Variants in DPH6 observed in about 807,000 individuals in gnomAD.
The protein encoded by DPH6 is diphthine--ammonia ligase.
DPH6 carries 33 observed loss-of-function variants against 38.2 expected under a neutral mutation model. That is an observed-to-expected ratio of 0.86 (90% confidence interval 0.65 to 1.15). DPH6 has a LOEUF of 1.15. Among genes scored for constraint, DPH6 ranks in the 50% most tolerant of loss-of-function variants. The probability of loss-of-function intolerance (pLI) is 0.00; values close to 1 mark genes in which losing one functional copy is unlikely to be tolerated. For synonymous variants in DPH6, 108 were observed against 103.0 expected, an observed-to-expected ratio of 1.05 and a Z score of -0.30; for missense variants, 325 against 320.0, an observed-to-expected ratio of 1.02 and a Z score of -0.12.
At chr15:35,522,807 T>A (rs1221122042) in intron 3 of DPH6, among the ~76,000 whole-genome samples, 1 of 152,144 alleles carries the variant, frequency 6.6e-6, no homozygotes, top group East Asian at 1.9e-4. Context: ...AAATATATCC[T>A]ACAGATAATT....
At position 35,243,457 on chromosome 15, in the gene DPH6, A is replaced by G. The variant is rs917987083; in HGVS notation, n.201-22875T>C. ...ATTGCATCCCCTGTGACTTGCACGT[A>G]TATGCCCAGATGGCCTGAAGTAACT... On this transcript the variant is annotated intron_variant and non_coding_transcript_variant, in intron 3 of 3. Coordinates refer to the DPH6 transcript ENST00000560386. 8.3e-5 allele frequency among the ~76,000 whole-genome samples: 12 copies of G among 143,902 alleles called. 1 individual carries two copies. The highest frequency in any genetic ancestry group is 3.0e-4 in the African/African-American group (12 of 39,740). 94.4% of individuals were successfully genotyped at this position (143,902 alleles called of 152,430 possible). A position where few individuals can be genotyped will look rare whatever the true frequency, so the allele number is the denominator to read the frequency against.
intron 3 of DPH6, among the ~76,000 whole-genome samples, chr15:35,482,823 C>A (rs577638453): frequency 6.6e-6 from 1 of 151,838 alleles, no homozygotes; most frequent in African/African-American, 2.4e-5. Flanking sequence ...AAGAAAAAAA[C>A]GGACAAATTA....
intron 3 of DPH6, among the ~76,000 whole-genome samples, chr15:35,301,697 G>A (rs765373422): frequency 2.6e-5 from 4 of 152,180 alleles, no homozygotes; most frequent in East Asian, 3.8e-4. Context: ...TAGGCCGGGC[G>A]TGGTGGCTCA....
At chr15:35,300,738 T>G (rs993009106) in intron 3 of DPH6, among the ~76,000 whole-genome samples, 3 of 152,192 alleles carry the variant, frequency 2.0e-5, no homozygotes, top group Non-Finnish European at 4.4e-5. Flanking sequence ...CCATAAGTTA[T>G]GTACCAAGGA....
intron 3 of DPH6, among the ~76,000 whole-genome samples, chr15:35,282,313 A>T (rs907699419): frequency 6.6e-6 from 1 of 152,134 alleles, no homozygotes; most frequent in East Asian, 1.9e-4. Flanking sequence ...GTGGGACTAC[A>T]GTTATGTGCT....
In DPH6 at chr15:35,410,721, T is replaced by C. The variant is rs1036673054; in HGVS notation, c.567+114A>G. 7 of 751,514 alleles carry C rather than the reference T, an allele frequency of 9.3e-6. No homozygotes were observed. In the South Asian group the frequency reaches 1.1e-4, roughly 11 times the overall value. 46.6% of individuals were successfully genotyped at this position (751,514 alleles called of 1,614,324 possible). A position where few individuals can be genotyped will look rare whatever the true frequency, so the allele number is the denominator to read the frequency against. On this transcript the variant is annotated intron_variant, in intron 6 of 8. Transcript: ENST00000256538. ...GTTTAATTTTTTCATAAATATATTA[T>C]GAATGTATTTGATTTTTACTAAAAT... is the stretch of plus-strand genomic sequence containing the variant.
At chr15:35,160,198 A>G in the DPH6 span, among the ~76,000 whole-genome samples, 2 of 152,034 alleles carry the variant, frequency 1.3e-5, no homozygotes, top group Non-Finnish European at 2.9e-5. Context: ...AAAGTTGAAA[A>G]AAAAATTCTT....
At position 35,282,340 on chromosome 15, in the gene DPH6, T is replaced by G. The variant is rs2051904693; in HGVS notation, n.201-61758A>C. ...TTATGTGCTGCTACAACTGGCTAATTTTTTTATTTTTACTTTTCTGTAGAG... is the reference window on the plus strand; with the variant it reads ...TTATGTGCTGCTACAACTGGCTAATGTTTTTATTTTTACTTTTCTGTAGAG... On this transcript the variant is annotated intron_variant and non_coding_transcript_variant, in intron 3 of 3. Transcript: ENST00000560386. Among the ~76,000 whole-genome samples, 3 of 152,204 alleles carry G rather than the reference T, an allele frequency of 2.0e-5. No homozygotes were observed. The South Asian group carries it at 6.2e-4, about 32-fold the overall frequency.
chr15:35,513,880 G>T (rs1432412660), intron 3 of DPH6, among the ~76,000 whole-genome samples: 1 of 151,908 alleles, frequency 6.6e-6, no homozygotes, highest in Non-Finnish European at 1.5e-5. Flanking sequence ...TAGCTATTAT[G>T]TTAATAAGTA....
At chr15:35,241,988 C>T (rs1245826410) in intron 3 of DPH6, among the ~76,000 whole-genome samples, 1 of 143,980 alleles carries the variant, frequency 6.9e-6, no homozygotes. Flanking sequence ...TCCTCAATAC[C>T]TCCCTCCACA....
intron 3 of DPH6, among the ~76,000 whole-genome samples, chr15:35,358,075 A>C (rs1163075520): frequency 6.6e-6 from 1 of 152,062 alleles, no homozygotes; most frequent in Non-Finnish European, 1.5e-5. Flanking sequence ...GGCTTTGTTC[A>C]TATTTTCTTA....
At chr15:35,226,413 A>G (rs1566843771) in intron 3 of DPH6, among the ~76,000 whole-genome samples, 1 of 152,046 alleles carries the variant, frequency 6.6e-6, no homozygotes, top group Non-Finnish European at 1.5e-5. Context: ...GTGGTAATAG[A>G]GGAAAGTTTC....
At chr15:35,240,210 G>A (rs916962559) in intron 3 of DPH6, among the ~76,000 whole-genome samples, 2 of 142,996 alleles carry the variant, frequency 1.4e-5, no homozygotes, top group Non-Finnish European at 3.1e-5. Flanking sequence ...CCAGAAAACG[G>A]CACTTTCAAT....
the DPH6 span, among the ~76,000 whole-genome samples, chr15:35,149,555 C>A: frequency 6.6e-6 from 1 of 152,258 alleles, no homozygotes; most frequent in East Asian, 1.9e-4. Flanking sequence ...CTTCTTTAGT[C>A]AAGCTACTTA....
chr15:35,447,685 A>G (rs1367582457), intron 5 of DPH6, among the ~76,000 whole-genome samples: 1 of 152,160 alleles, frequency 6.6e-6, no homozygotes, highest in African/African-American at 2.4e-5. Flanking sequence ...AAGGCCTTTA[A>G]GAATATGCAC....
chr15:35,367,285 GA>G (rs2052669563), downstream of DPH6, among the ~76,000 whole-genome samples: 1 of 151,818 alleles, frequency 6.6e-6, no homozygotes, highest in African/African-American at 2.4e-5. Context: ...AAATTCCTGT[GA>G]ACTTTGTCTT....
In DPH6 at chr15:35,282,907, G is replaced by C. The variant is rs1421832936; in HGVS notation, n.201-62325C>G. 5.6e-5 allele frequency: 19 copies of C among 341,110 alleles called. 1 individual carries two copies. The South Asian group carries it at 6.2e-4, about 11-fold the overall frequency. 21.1% of individuals were successfully genotyped at this position (341,110 alleles called of 1,614,324 possible). A position where few individuals can be genotyped will look rare whatever the true frequency, so the allele number is the denominator to read the frequency against. On this transcript the variant is annotated intron_variant and non_coding_transcript_variant, in intron 3 of 3. Coordinates refer to the DPH6 transcript ENST00000560386. The stretch of plus-strand genomic sequence containing the variant: ...GGGGTTCCACCATATAGATGTTCCT[G>C]TTGAAGAACATCAACAATACTTGGG...
chr15:35,186,331 T>A, the DPH6 span, among the ~76,000 whole-genome samples: 1 of 152,212 alleles, frequency 6.6e-6, no homozygotes, highest in Non-Finnish European at 1.5e-5. Flanking sequence ...AGGATCCTGA[T>A]GATATCTTTA....
intron 3 of DPH6, among the ~76,000 whole-genome samples, chr15:35,356,548 C>T (rs2052561993): frequency 1.3e-5 from 2 of 152,194 alleles, no homozygotes; most frequent in Admixed American, 1.3e-4. Context: ...TGGAGGTCCA[C>T]TCCAGACCCT....
Sources: gnomAD v4.1 joint callset for allele counts (sites outside exome capture counted in the v4.1 genomes callset) on GRCh38, gnomAD v4.1.1 for gene constraint, MANE v1.5 for transcripts, NCBI Gene and HGNC (gene_info 2026-07-23, HGNC 2026-07-21) for gene names.